Variants in HTR2A observed in about 807,000 individuals in gnomAD.
HTR2A encodes the protein 5-HT2 receptor.
Under a neutral mutation model 31.0 loss-of-function variants are expected in HTR2A, and 14 were observed. The observed-to-expected ratio is 0.45, with a 90% confidence interval of 0.30 to 0.71. The LOEUF (loss-of-function observed/expected upper bound fraction) is 0.71. Among genes scored for constraint, HTR2A ranks in the 30% least tolerant of loss-of-function variants. The pLI is 0.09. For synonymous variants in HTR2A, 209 were observed against 225.2 expected (o/e 0.93, Z 0.64); for missense variants, 442 against 573.3 (o/e 0.77, Z 2.34).
chr13:46,887,740 A>G (rs762435946), intron 3 of HTR2A, among the ~76,000 whole-genome samples: 3 of 152,238 alleles, frequency 2.0e-5, no homozygotes, highest in Admixed American at 6.5e-5. Context: ...GTAGCTGATG[A>G]GAGGACTAGT....
In HTR2A at chr13:46,897,053, T is replaced by C. The variant is rs1383771972; in HGVS notation, c.-708A>G. On this transcript the variant is annotated 5_prime_UTR_variant, in exon 1 of 4. Coordinates refer to ENST00000542664, the MANE Select transcript of HTR2A (RefSeq NM_000621.5). ...TTTCCACGGGAATGGAGTAGCTCTC[T>C]GACTGTCTCGTTCATTTCATCAGAC... The C allele has an allele frequency of 1.9e-6, 1 of 531,344 alleles. No homozygotes were observed. The highest frequency in any genetic ancestry group is 1.9e-5 in the African/African-American group (1 of 51,466). 32.9% of individuals were successfully genotyped at this position (531,344 alleles called of 1,614,324 possible). A position where few individuals can be genotyped will look rare whatever the true frequency, so the allele number is the denominator to read the frequency against.
chr13:46,845,147 A>G (rs56122220), intron 3 of HTR2A, among the ~76,000 whole-genome samples: 3,344 of 152,270 alleles, frequency 0.022, 117 homozygotes, highest in African/African-American at 0.077. Context: ...AAAACAAAAT[A>G]TACACAATTG....
At chr13:46,897,596 A>G (rs545145810), upstream of HTR2A, among the ~76,000 whole-genome samples, 2 of 152,344 alleles carry the variant, frequency 1.3e-5, no homozygotes, top group African/African-American at 4.8e-5. Flanking sequence ...TTCCCCCACC[A>G]GTAATGACAA....
chr13:46,853,597 C>T (rs932388230), intron 3 of HTR2A, among the ~76,000 whole-genome samples: 1 of 152,144 alleles, frequency 6.6e-6, no homozygotes, highest in Admixed American at 6.5e-5. Context: ...AGGTTGAGAT[C>T]CCCAGTCCCA....
At chr13:46,896,421 T>C (rs2138261049) in intron 1 of HTR2A, among the ~76,000 whole-genome samples, 187 bp from the exon 2 acceptor site, 1 of 152,346 alleles carries the variant, frequency 6.6e-6, no homozygotes, top group Admixed American at 6.5e-5. Context: ...GTTAATCCCA[T>C]AGTAATTGGA....
rs1258479509 is a variant in HTR2A at position 46,833,953 on chromosome 13, T to G, written c.*884A>C. 1 of 152,252 alleles carries G rather than the reference T, an allele frequency of 6.6e-6. No homozygotes were observed. Among genetic ancestry groups the G allele is most frequent in the Non-Finnish European group, 1.5e-5 (1 of 68,054 alleles). 9.4% of individuals were successfully genotyped at this position (152,252 alleles called of 1,614,324 possible). On this transcript the variant is annotated 3_prime_UTR_variant, in exon 4 of 4. Coordinates refer to ENST00000542664, the MANE Select transcript of HTR2A (RefSeq NM_000621.5). Reference sequence around the variant, plus strand: ...TGACACAGTTACATCAATATACATTTACTGCTCAAAAGAGTGCATGCATGA... The same window carrying G: ...TGACACAGTTACATCAATATACATTGACTGCTCAAAAGAGTGCATGCATGA...
chr13:46,874,963 ATCT>A (rs1252454762), intron 3 of HTR2A, among the ~76,000 whole-genome samples: 4 of 152,240 alleles, frequency 2.6e-5, no homozygotes, highest in African/African-American at 9.6e-5. Context: ...AGGATTGAAC[ATCT>A]TCTCTCAAAT....
intron 3 of HTR2A, among the ~76,000 whole-genome samples, chr13:46,886,090 T>G (rs541462941): frequency 3.9e-5 from 6 of 152,270 alleles, no homozygotes; most frequent in African/African-American, 7.2e-5. Flanking sequence ...TTCTTCTTTA[T>G]GGCATCTGCA....
At chr13:46,842,865 T>C (rs1950609358) in intron 3 of HTR2A, among the ~76,000 whole-genome samples, 1 of 152,204 alleles carries the variant, frequency 6.6e-6, no homozygotes, top group Non-Finnish European at 1.5e-5. Context: ...TGGTATACAG[T>C]AGTCCTCCCT....
intron 3 of HTR2A, among the ~76,000 whole-genome samples, chr13:46,878,922 A>T (rs967686324): frequency 2.0e-5 from 3 of 152,242 alleles, no homozygotes; most frequent in Non-Finnish European, 4.4e-5. Flanking sequence ...ATGTCATTTT[A>T]TTAGTGTTTT....
chr13:46,838,221 A>T (rs543954941), intron 3 of HTR2A, among the ~76,000 whole-genome samples: 1 of 152,324 alleles, frequency 6.6e-6, no homozygotes, highest in South Asian at 2.1e-4. Flanking sequence ...TTGCTCATTG[A>T]TTAGAAAGGA....
intron 3 of HTR2A, among the ~76,000 whole-genome samples, chr13:46,863,630 G>GAAAAAAAAAAAAAAAAAAA (rs59693757): frequency 6.9e-4 from 41 of 59,274 alleles, no homozygotes; most frequent in Non-Finnish European, 8.2e-4. Context: ...CCCTCAAAAT[G>GAAAAAAAAAAAAAAAAAAA]AAAAAAAAAA....
intron 3 of HTR2A, among the ~76,000 whole-genome samples, chr13:46,863,368 A>G (rs938683957): frequency 2.0e-5 from 3 of 152,128 alleles, no homozygotes; most frequent in African/African-American, 7.2e-5. Context: ...ATACCTATAA[A>G]TTTCAGCACT....
intron 3 of HTR2A, chr13:46,856,291 TA>T (rs1346061587): frequency 1.3e-5 from 2 of 152,186 alleles, no homozygotes; most frequent in Non-Finnish European, 2.9e-5. Context: ...TGCAAATACC[TA>T]GGTACAATGT....
intron 3 of HTR2A, among the ~76,000 whole-genome samples, chr13:46,883,326 C>T (rs1950982402): frequency 6.6e-6 from 1 of 151,486 alleles, no homozygotes; most frequent in African/African-American, 2.4e-5. Flanking sequence ...AAATGTAACC[C>T]AGCTTGCCTT....
At chr13:46,885,084 AACTT>A (rs1449772814) in intron 3 of HTR2A, among the ~76,000 whole-genome samples, 1 of 152,142 alleles carries the variant, frequency 6.6e-6, no homozygotes, top group Non-Finnish European at 1.5e-5. Context: ...CCTATGATAA[AACTT>A]AATTTATAAA....
intron 3 of HTR2A, among the ~76,000 whole-genome samples, chr13:46,866,275 T>C (rs1406270295): frequency 6.6e-6 from 1 of 152,134 alleles, no homozygotes; most frequent in Non-Finnish European, 1.5e-5. Context: ...AGCTTCCTGA[T>C]AGGCTTACCG....
chr13:46,887,421 T>C (rs1465432201), intron 3 of HTR2A, among the ~76,000 whole-genome samples: 1 of 10,658 alleles, frequency 9.4e-5, no homozygotes, highest in African/African-American at 3.8e-4. Context: ...AGACTCTGTC[T>C]CAAAAAAAAA....
intron 2 of HTR2A, among the ~76,000 whole-genome samples, chr13:46,894,167 GGGA>G (rs1382079609): frequency 1.6e-4 from 25 of 152,328 alleles, no homozygotes; most frequent in African/African-American, 5.8e-4. Context: ...CGTGGGCTGG[GGGA>G]GGCTGGAGGA....
Sources: allele counts gnomAD v4.1 joint callset (sites outside exome capture counted in the v4.1 genomes callset), GRCh38; gene constraint gnomAD v4.1.1; transcripts MANE v1.5; gene names NCBI Gene and HGNC (gene_info 2026-07-23, HGNC 2026-07-21).